ANPEP: variants seen among roughly 807,000 people sequenced by gnomAD.
ANPEP encodes aminopeptidase N.
Under a neutral mutation model 114.6 loss-of-function variants are expected in ANPEP, and 70 were observed. That is an observed-to-expected ratio of 0.61 (90% CI 0.50 to 0.75). The LOEUF is 0.75. Among genes scored for constraint, ANPEP ranks in the 30% least tolerant of loss-of-function variants. The probability of loss-of-function intolerance (pLI) is 0.00; values close to 1 mark genes in which losing one functional copy is unlikely to be tolerated. For synonymous variants in ANPEP, 548 were observed against 522.3 expected (o/e 1.05, Z -0.67); for missense variants, 1,184 against 1,259.5 (o/e 0.94, Z 0.91).
intron 10 of ANPEP, chr15:89,802,665 G>T (rs1197787689): frequency 6.0e-6 from 1 of 165,580 alleles, no homozygotes; most frequent in Non-Finnish European, 1.3e-5. Flanking sequence ...AGGATGGAGA[G>T]GAGGTGGACT....
At chr15:89,813,522 C>T (rs567377970) in intron 1 of ANPEP, among the ~76,000 whole-genome samples, 4 of 152,102 alleles carry the variant, frequency 2.6e-5, no homozygotes, top group African/African-American at 7.2e-5. Flanking sequence ...GTGTGGCCTT[C>T]GAGGCTAGGG....
Position 89,806,388 on chromosome 15 carries a change from C to A in ANPEP, c.196G>T (p.Asp66Tyr), listed in dbSNP as rs1270799970. The change falls in exon 2 of 21, where the codon GAC becomes TAC. Residue 66 changes from aspartate to tyrosine, a missense_variant. By Grantham distance (160) the Asp-to-Tyr change is radical. Coordinates refer to ENST00000300060, the MANE Select transcript of ANPEP (RefSeq NM_001150.3). This position sits in a 1 kb window ranked among gnomAD's most constrained non-coding sequence, Gnocchi z 5.7. The part of the protein sequence containing the change: ...TTNPASATTL[D>Y]QSKAWNRYRL... ...TAACGATTCCACGCTTTACTTTGGT[C>A]CAAGGTGGTGGCCGAGGCGGGGTTG... 10 of 1,613,860 alleles carry A rather than the reference C, an allele frequency of 6.2e-6. No homozygotes were observed. Among genetic ancestry groups the A allele is most frequent in the Non-Finnish European group, 8.5e-6 (10 of 1,179,950 alleles).
intron 12 of ANPEP, among the ~76,000 whole-genome samples, chr15:89,800,850 G>A (rs1567158828): frequency 6.6e-6 from 1 of 152,150 alleles, no homozygotes; most frequent in East Asian, 1.9e-4. Context: ...ACCATGCCTG[G>A]CCTAGGATTC....
At chr15:89,809,267 T>A (rs1052873505) in intron 1 of ANPEP, among the ~76,000 whole-genome samples, 1 of 152,204 alleles carries the variant, frequency 6.6e-6, no homozygotes, top group Non-Finnish European at 1.5e-5. Context: ...CCTTTTGATA[T>A]GTCCCTGACG....
At position 89,804,538 on chromosome 15, in the gene ANPEP, T is replaced by A. The variant is rs778301741; in HGVS notation, c.977A>T (p.Asn326Ile). The change falls in exon 5 of 21, where the codon AAC becomes ATC. Residue 326 changes from asparagine to isoleucine, a missense_variant. Asn to Ile is a moderately radical substitution (Grantham distance 149). Transcript: ENST00000300060. ...YALNVTGPIL[N>I]FFAGHYDTPY... Reference sequence around the variant, plus strand: ...TGTGTCATAATGACCAGCAAAGAAGTTAAGGATGGGGCCCGTCACGTTCAG... The same window carrying A: ...TGTGTCATAATGACCAGCAAAGAAGATAAGGATGGGGCCCGTCACGTTCAG... The A allele has an allele frequency of 1.9e-6, 3 of 1,614,130 alleles. No individual in the cohort carries two copies. The highest frequency in any genetic ancestry group is 1.6e-4 in the Middle Eastern group (1 of 6,062).
rs774223954 is a variant in ANPEP, at chr15:89,804,214, C to G, written c.1179+39G>C. 7.4e-6 allele frequency: 12 copies of G among 1,611,514 alleles called. No individual in the cohort carries two copies. The African/African-American group carries it at 1.3e-4, about 18-fold the overall frequency. ...ACTTGCGCCGTCTCCTCTCGGAGCC[C>G]CTGTTTCCTTCTCCGCACTCCCCGA... On this transcript the variant is annotated intron_variant, in intron 6 of 20. Coordinates refer to ENST00000300060, the MANE Select transcript of ANPEP (RefSeq NM_001150.3).
At chr15:89,790,334 G>C in intron 20 of ANPEP, 126 bp downstream of exon 20, 1 of 767,002 alleles carries the variant, frequency 1.3e-6, no homozygotes, top group Non-Finnish European at 2.2e-6. Context: ...GGCTTCCTCT[G>C]TAAATGAGGA....
intron 14 of ANPEP, among the ~76,000 whole-genome samples, chr15:89,798,552 G>A (rs1417246432): frequency 2.6e-5 from 4 of 151,054 alleles, no homozygotes; most frequent in Admixed American, 6.6e-5. Context: ...AGGGAGAATC[G>A]CTTGAATCTA....
At chr15:89,802,498 G>GCTGGA (rs1029307549) in intron 10 of ANPEP, 3 of 153,086 alleles carry the variant, frequency 2.0e-5, no homozygotes, top group African/African-American at 7.2e-5. Flanking sequence ...TGGGGTAGAA[G>GCTGGA]CTGGACGGGA....
chr15:89,808,026 A>G (rs1399107044), intron 1 of ANPEP, among the ~76,000 whole-genome samples: 1 of 151,974 alleles, frequency 6.6e-6, no homozygotes, highest in East Asian at 1.9e-4. Flanking sequence ...GCTCAACACA[A>G]ATTGGATCAT....
chr15:89,787,503 T>G (rs1968530172), intron 20 of ANPEP, among the ~76,000 whole-genome samples: 2 of 152,298 alleles, frequency 1.3e-5, no homozygotes, highest in South Asian at 4.1e-4. Flanking sequence ...AAAAAACAGA[T>G]AAATAGGATT....
rs748543768 is a variant in ANPEP at position 89,785,316 on chromosome 15, G to A, written c.*33C>T. 2 of 1,612,610 alleles carry A rather than the reference G, an allele frequency of 1.2e-6. No individual in the cohort carries two copies. The highest frequency in any genetic ancestry group is 1.7e-6 in the Non-Finnish European group (2 of 1,179,492). On this transcript the variant is annotated 3_prime_UTR_variant, in exon 21 of 21. Coordinates refer to ENST00000300060, the MANE Select transcript of ANPEP (RefSeq NM_001150.3). The stretch of plus-strand genomic sequence containing the variant: ...TGGGATGGACACATGTGGGCACCTT[G>A]CATGGGGGCCGGGTGACTTCAAGGG...
chr15:89,797,334 C>CCTCACTCACCTCCTCAGTGCCTG (rs768716229), intron 15 of ANPEP: 4 of 462,086 alleles, frequency 8.7e-6, no homozygotes, highest in East Asian at 7.4e-5. Context: ...CACGCAGCCT[C>CCTCACTCACCTCCTCAGTGCCTG]CTCACTCACC....
chr15:89,798,125 CT>C (rs1447465559), intron 14 of ANPEP, among the ~76,000 whole-genome samples: 1 of 152,242 alleles, frequency 6.6e-6, no homozygotes, highest in African/African-American at 2.4e-5. Context: ...TTTCTGGGCA[CT>C]CTAGGCCTTT....
intron 20 of ANPEP, among the ~76,000 whole-genome samples, 170 bp downstream of exon 20, chr15:89,790,290 T>A (rs1038502371): frequency 1.4e-4 from 22 of 152,178 alleles, no homozygotes; most frequent in African/African-American, 5.3e-4. Context: ...ATTTTTTAAA[T>A]TGAATTATCA....
intron 11 of ANPEP, 61 bp downstream of exon 11, chr15:89,801,374 C>A: frequency 6.3e-7 from 1 of 1,592,478 alleles, no homozygotes; most frequent in Non-Finnish European, 8.6e-7. Flanking sequence ...TACTATGGTC[C>A]CTTAGTAACT....
At chr15:89,798,576 G>A (rs960953388) in intron 14 of ANPEP, among the ~76,000 whole-genome samples, 3 of 151,448 alleles carry the variant, frequency 2.0e-5, no homozygotes, top group Admixed American at 6.6e-5. Flanking sequence ...GGCAGAGGTC[G>A]TAGTGAGCCA....
intron 1 of ANPEP, among the ~76,000 whole-genome samples, chr15:89,812,226 T>A (rs543857326): frequency 6.6e-6 from 1 of 152,330 alleles, no homozygotes; most frequent in South Asian, 2.1e-4. Flanking sequence ...ACTGGGTCCT[T>A]GGGTAGGCCC....
rs542281394 is a variant in ANPEP, at chr15:89,787,537, T to C, written c.2752-2036A>G. ...TTTCATCAAGATTTAAAATTTTGGG[T>C]ATCAAAAGACCTATTAAGTGAGTGA... On this transcript the variant is annotated intron_variant, in intron 20 of 20. Coordinates refer to ENST00000300060, the MANE Select transcript of ANPEP (RefSeq NM_001150.3). Among the ~76,000 whole-genome samples the C allele has an allele frequency of 2.0e-5, 3 of 152,298 alleles. No individual in the cohort carries two copies. The East Asian group carries it at 5.8e-4, about 29-fold the overall frequency.
Sources: gnomAD v4.1 joint callset for allele counts (sites outside exome capture counted in the v4.1 genomes callset) on GRCh38, gnomAD v4.1.1 for gene constraint, Gnocchi (gnomAD v3.1) non-coding constraint, MANE v1.5 for transcripts, NCBI Gene and HGNC (gene_info 2026-07-23, HGNC 2026-07-21) for gene names.